PTK2: variants seen among roughly 807,000 people sequenced by gnomAD.
PTK2 encodes focal adhesion kinase 1.
PTK2 carries 45 observed loss-of-function variants against 150.1 expected under a neutral mutation model. The ratio of observed to expected loss-of-function variants is 0.30; its 90% CI spans 0.24 to 0.38. PTK2 has a LOEUF of 0.38. PTK2 is among the 10% of genes least tolerant of loss of function. PTK2 has a pLI of 1.00. For synonymous variants in PTK2, 432 were observed against 449.2 expected (o/e 0.96, Z 0.48); for missense variants, 919 against 1,307.3 (o/e 0.70, Z 4.58).
intron 1 of PTK2, among the ~76,000 whole-genome samples, chr8:141,000,536 G>C (rs2100199737): frequency 6.6e-6 from 1 of 152,180 alleles, no homozygotes; most frequent in South Asian, 2.1e-4. Context: ...TTGTTTTTCA[G>C]GCATTGGGTC....
intron 2 of PTK2, among the ~76,000 whole-genome samples, chr8:140,913,993 G>T (rs2100164213): frequency 6.6e-6 from 1 of 151,944 alleles, no homozygotes; most frequent in Non-Finnish European, 1.5e-5. Flanking sequence ...TTTAGTCAAA[G>T]AAAAAATTTA....
In PTK2 at chr8:140,713,354, G is replaced by A. The variant is rs1014840226; in HGVS notation, c.2142+4244C>T. Among the ~76,000 whole-genome samples the A allele has an allele frequency of 2.6e-5, 4 of 152,150 alleles. No homozygotes were observed. In the East Asian group the frequency reaches 7.7e-4, roughly 29 times the overall value. ...CAGCTCAGTGCAACCTGTGCCTCCT[G>A]GGTTCAAGTGATTCTTGTGCCTCAG... On this transcript the variant is annotated intron_variant, in intron 23 of 31. Coordinates refer to ENST00000522684, the Ensembl canonical transcript of PTK2.
At chr8:140,847,424 C>G (rs917376026) in intron 5 of PTK2, among the ~76,000 whole-genome samples, 2 of 152,108 alleles carry the variant, frequency 1.3e-5, no homozygotes, top group Admixed American at 6.6e-5. Context: ...TCAATACGTG[C>G]AAGTAACTGT....
intron 1 of PTK2, among the ~76,000 whole-genome samples, chr8:140,947,435 G>A (rs1047170111): frequency 4.6e-5 from 7 of 152,134 alleles, no homozygotes; most frequent in African/African-American, 1.4e-4. Flanking sequence ...ACCAAAGTCT[G>A]AACTCGAGCT....
At chr8:140,979,421 G>C (rs926621705) in intron 1 of PTK2, among the ~76,000 whole-genome samples, 7 of 144,806 alleles carry the variant, frequency 4.8e-5, no homozygotes, top group Non-Finnish European at 1.1e-4. Context: ...AAAAAGGCCA[G>C]AAACTTAATA....
chr8:140,691,203 G>GT (rs1219602588), intron 26 of PTK2, among the ~76,000 whole-genome samples: 1 of 147,320 alleles, frequency 6.8e-6, no homozygotes, highest in East Asian at 2.1e-4. Flanking sequence ...TTGGGGGTGG[G>GT]GGGTCTCACT....
chr8:140,689,776 A>G (rs1173824589), intron 26 of PTK2, among the ~76,000 whole-genome samples: 1 of 152,166 alleles, frequency 6.6e-6, no homozygotes, highest in East Asian at 1.9e-4. Flanking sequence ...TCTTTGTACC[A>G]TTCTTGTAAC....
chr8:140,846,704 A>G, intron 5 of PTK2, 26 bp from the exon 6 acceptor site: 1 of 1,550,220 alleles, frequency 6.5e-7, no homozygotes, highest in Non-Finnish European at 8.8e-7. Context: ...TGGGAAAAAC[A>G]ACACTGTTTT....
intron 26 of PTK2, among the ~76,000 whole-genome samples, chr8:140,694,643 G>A (rs999639660): frequency 6.6e-5 from 10 of 152,218 alleles, no homozygotes; most frequent in Non-Finnish European, 1.0e-4. Flanking sequence ...GTGGTTGCAA[G>A]GACACAGACC....
chr8:140,952,217 C>T (rs924124409), intron 1 of PTK2, among the ~76,000 whole-genome samples: 9 of 152,116 alleles, frequency 5.9e-5, no homozygotes, highest in African/African-American at 2.2e-4. Flanking sequence ...GCGGGTTAAG[C>T]AGAGATGAAA....
chr8:140,702,863 T>C, intron 24 of PTK2, 156 bp from the exon 28 acceptor site: 1 of 889,458 alleles, frequency 1.1e-6, no homozygotes, highest in Non-Finnish European at 1.6e-6. Context: ...AACATGTGAA[T>C]ATGTTTCCTT....
At chr8:140,948,782 T>G (rs1216153496) in intron 1 of PTK2, 2 of 152,184 alleles carry the variant, frequency 1.3e-5, no homozygotes, top group African/African-American at 4.8e-5. Context: ...GTACTGATGC[T>G]TTTCTTGTCA....
At chr8:140,885,116 A>T (rs1353869024) in intron 3 of PTK2, among the ~76,000 whole-genome samples, 1 of 152,200 alleles carries the variant, frequency 6.6e-6, no homozygotes, top group African/African-American at 2.4e-5. Context: ...ATGGGCATGA[A>T]ATTATTTGTT....
intron 21 of PTK2, among the ~76,000 whole-genome samples, chr8:140,736,325 T>C (rs974637442): frequency 6.6e-6 from 1 of 152,086 alleles, no homozygotes; most frequent in Non-Finnish European, 1.5e-5. Flanking sequence ...AAACCCTGGA[T>C]ACATATGGAC....
At chr8:140,675,912 C>T (rs1252796434) in intron 27 of PTK2, 7 of 159,058 alleles carry the variant, frequency 4.4e-5, no homozygotes, top group African/African-American at 7.2e-5. Context: ...ACTGCATATA[C>T]GCCCAAAGGA....
At chr8:140,922,705 T>C (rs2100167983) in intron 2 of PTK2, among the ~76,000 whole-genome samples, 1 of 152,222 alleles carries the variant, frequency 6.6e-6, no homozygotes, top group African/African-American at 2.4e-5. Context: ...TTACAACTAA[T>C]TTTCACATCT....
upstream of PTK2, chr8:141,001,362 C>T (rs1330660528): frequency 6.7e-6 from 1 of 150,198 alleles, no homozygotes; most frequent in Non-Finnish European, 1.5e-5. Flanking sequence ...ACGCCCGACC[C>T]GGTCTCAGTC....
At chr8:140,926,332 G>A (rs1603272837) in intron 1 of PTK2, among the ~76,000 whole-genome samples, 2 of 152,070 alleles carry the variant, frequency 1.3e-5, no homozygotes, top group African/African-American at 4.8e-5. Context: ...TATGCATCAG[G>A]CACTTGGACA....
chr8:140,764,126 A>G, intron 15 of PTK2, 108 bp downstream of exon 17: 1 of 892,970 alleles, frequency 1.1e-6, no homozygotes, highest in Non-Finnish European at 1.9e-6. Context: ...TTCAGCATCC[A>G]AGGAAGTATT....
Sources: gnomAD v4.1 joint callset for allele counts (sites outside exome capture counted in the v4.1 genomes callset) on GRCh38, gnomAD v4.1.1 for gene constraint, MANE v1.5 for transcripts, NCBI Gene and HGNC (gene_info 2026-07-23, HGNC 2026-07-21) for gene names.